Variants in RSRC1 observed in about 807,000 individuals in gnomAD.
The protein encoded by RSRC1 is serine/Arginine-related protein 53.
A neutral mutation model predicts 49.1 loss-of-function variants in RSRC1; 39 were observed. The ratio of observed to expected loss-of-function variants is 0.79; its 90% CI spans 0.61 to 1.04. The LOEUF (loss-of-function observed/expected upper bound fraction) is 1.04. Ranked by LOEUF, RSRC1 falls within the 50% of genes least tolerant of loss-of-function variation. The pLI, the probability that RSRC1 is intolerant of heterozygous loss-of-function variation, is 0.00. For synonymous variants in RSRC1, 143 were observed against 130.8 expected, an observed-to-expected ratio of 1.09 and a Z score of -0.63; for missense variants, 388 against 402.4, an observed-to-expected ratio of 0.96 and a Z score of 0.31.
chr3:158,521,969 G>A (rs1057267841), intron 7 of RSRC1, among the ~76,000 whole-genome samples: 2 of 151,984 alleles, frequency 1.3e-5, no homozygotes, highest in Non-Finnish European at 2.9e-5. Context: ...ATATGATAAT[G>A]TATTAGAATT....
chr3:158,119,594 C>T (rs946313196), intron 1 of RSRC1, among the ~76,000 whole-genome samples: 11 of 151,702 alleles, frequency 7.3e-5, no homozygotes, highest in African/African-American at 2.7e-4. Flanking sequence ...GTACATATTT[C>T]TTAACATGGA....
At chr3:158,323,586 C>A (rs1346934484) in intron 5 of RSRC1, among the ~76,000 whole-genome samples, 2 of 152,134 alleles carry the variant, frequency 1.3e-5, no homozygotes, top group East Asian at 3.8e-4. Context: ...CTACCCTGAA[C>A]CAAGTCTACC....
At chr3:158,269,935 C>G (rs924975425) in intron 4 of RSRC1, among the ~76,000 whole-genome samples, 1 of 152,142 alleles carries the variant, frequency 6.6e-6, no homozygotes, top group Non-Finnish European at 1.5e-5. Flanking sequence ...TGAAGAACTT[C>G]TTTTAACTGA....
intron 5 of RSRC1, among the ~76,000 whole-genome samples, chr3:158,310,195 CCTTA>C (rs1439031502): frequency 2.0e-5 from 3 of 151,362 alleles, no homozygotes; most frequent in Non-Finnish European, 4.4e-5. Flanking sequence ...TTGAAAAGCA[CCTTA>C]CTTTTTTCTT....
At chr3:158,288,578 A>G (rs999921564) in intron 4 of RSRC1, among the ~76,000 whole-genome samples, 2 of 152,184 alleles carry the variant, frequency 1.3e-5, no homozygotes, top group African/African-American at 4.8e-5. Flanking sequence ...GACAGTTACT[A>G]TTTTATATAC....
At chr3:158,352,663 CCA>C (rs1730941257) in intron 5 of RSRC1, among the ~76,000 whole-genome samples, 1 of 152,098 alleles carries the variant, frequency 6.6e-6, no homozygotes, top group Non-Finnish European at 1.5e-5. Context: ...CTGTATTTAT[CCA>C]CATTCTGTAC....
chr3:158,204,018 T>G (rs1037504569), intron 4 of RSRC1, among the ~76,000 whole-genome samples: 8 of 152,162 alleles, frequency 5.3e-5, no homozygotes, highest in African/African-American at 1.7e-4. Context: ...ATCTTGGAAT[T>G]TATCCTCTTT....
rs536811317 is a variant in RSRC1, at chr3:158,459,285, AC to A, written c.584-1649del. ...GCAACAAATCAGTAAGAAAGGATAA[AC>A]TAGCATAGTGAAATAGATAAATCAG... On this transcript the variant is annotated intron_variant, in intron 6 of 9. Transcript: ENST00000611884. 5.3e-4 allele frequency among the ~76,000 whole-genome samples: 81 copies of A among 152,268 alleles called. No individual in the cohort carries two copies. In the South Asian group the frequency reaches 0.012, roughly 22 times the overall value.
intron 3 of RSRC1, among the ~76,000 whole-genome samples, chr3:158,132,577 C>G (rs1716108724): frequency 6.6e-6 from 1 of 152,152 alleles, no homozygotes. Context: ...AGGTTAGTCT[C>G]TTTAAAATTG....
At chr3:158,261,713 A>G (rs189818107) in intron 4 of RSRC1, among the ~76,000 whole-genome samples, 10 of 152,304 alleles carry the variant, frequency 6.6e-5, no homozygotes, top group African/African-American at 2.4e-4. Flanking sequence ...CCTATTGTGA[A>G]CTATGCATGT....
chr3:158,203,655 G>A (rs1002468090), intron 4 of RSRC1, among the ~76,000 whole-genome samples: 3 of 152,174 alleles, frequency 2.0e-5, no homozygotes, highest in East Asian at 3.9e-4. Context: ...AGCTGTTAGC[G>A]GAAAAGTATA....
intron 4 of RSRC1, among the ~76,000 whole-genome samples, chr3:158,216,138 T>C (rs1482197862): frequency 6.6e-6 from 1 of 151,594 alleles, no homozygotes; most frequent in Non-Finnish European, 1.5e-5. Context: ...CAGAAGTAAT[T>C]GCGATTTTGC....
chr3:158,275,596 T>C (rs1380894656), intron 4 of RSRC1, among the ~76,000 whole-genome samples: 1 of 152,204 alleles, frequency 6.6e-6, no homozygotes, highest in East Asian at 1.9e-4. Context: ...TATAATTCCC[T>C]AATAAGATAA....
At chr3:158,145,705 C>T (rs1717051720) in intron 3 of RSRC1, among the ~76,000 whole-genome samples, 1 of 152,228 alleles carries the variant, frequency 6.6e-6, no homozygotes, top group South Asian at 2.1e-4. Flanking sequence ...GGCATTGAAT[C>T]TATAAATTAC....
intron 3 of RSRC1, among the ~76,000 whole-genome samples, chr3:158,196,321 G>A (rs1720611751): frequency 6.6e-6 from 1 of 152,086 alleles, no homozygotes; most frequent in Non-Finnish European, 1.5e-5. Context: ...TGGTGTATAA[G>A]AATGCTTGTG....
At chr3:158,470,561 T>C (rs1487641348) in intron 7 of RSRC1, among the ~76,000 whole-genome samples, 6 of 152,112 alleles carry the variant, frequency 3.9e-5, no homozygotes, top group Admixed American at 3.9e-4. Flanking sequence ...TAAACTACAG[T>C]TGTTCCAGTA....
intron 7 of RSRC1, among the ~76,000 whole-genome samples, chr3:158,504,736 G>T (rs1166690090): frequency 6.6e-6 from 1 of 152,158 alleles, no homozygotes; most frequent in Non-Finnish European, 1.5e-5. Context: ...CCAAATGTTA[G>T]CTGGAGGCTA....
intron 4 of RSRC1, among the ~76,000 whole-genome samples, chr3:158,255,259 A>G (rs1344869894): frequency 6.6e-6 from 1 of 152,144 alleles, no homozygotes; most frequent in African/African-American, 2.4e-5. Flanking sequence ...TAAGGAAGGG[A>G]ACCAGTTTCA....
At chr3:158,477,609 G>C (rs116523623) in intron 7 of RSRC1, among the ~76,000 whole-genome samples, 1 of 151,746 alleles carries the variant, frequency 6.6e-6, no homozygotes, top group African/African-American at 2.4e-5. Flanking sequence ...CTATAGTGTA[G>C]TGTAAACATA....
Sources: allele counts gnomAD v4.1 joint callset (sites outside exome capture counted in the v4.1 genomes callset), GRCh38; gene constraint gnomAD v4.1.1; transcripts MANE v1.5; gene names NCBI Gene and HGNC (gene_info 2026-07-23, HGNC 2026-07-21).